The following NCOA6 variants were observed in gnomAD, a reference collection of about 807,000 sequenced individuals.
NCOA6 encodes the protein NRC RAP250.
In NCOA6, 49 loss-of-function variants were observed where a neutral mutation model predicts 171.4. The ratio of observed to expected loss-of-function variants is 0.29; its 90% CI spans 0.23 to 0.36. NCOA6 has a LOEUF of 0.36. Ranked by LOEUF, NCOA6 falls within the 10% of genes least tolerant of loss-of-function variation. The pLI, the probability that NCOA6 is intolerant of heterozygous loss-of-function variation, is 1.00. For synonymous variants in NCOA6, 910 were observed against 927.5 expected (o/e 0.98, Z 0.34); for missense variants, 2,248 against 2,554.5 (o/e 0.88, Z 2.59).
intron 14 of NCOA6, among the ~76,000 whole-genome samples, chr20:34,715,580 A>AG (rs1988446811): frequency 6.6e-6 from 1 of 152,202 alleles, no homozygotes; most frequent in African/African-American, 2.4e-5. Flanking sequence ...GGAATGTGAC[A>AG]GAGGTGGTGG....
rs200149991 is a variant in NCOA6 at position 34,749,612 on chromosome 20, G to A, written c.2583C>T (p.Pro861=). ...GACCACAGGACATCTGATTTCCATT[G>A]GGAGCTCCACTGAAAGGTGCATTGA... ...MSFNAPFSGA[P]NGNQMSCGQN... The change falls in exon 9 of 15, where the codon CCC becomes CCT. Residue 861 remains proline, a synonymous_variant. Transcript: ENST00000359003. 12 of 1,614,006 alleles carry A rather than the reference G, an allele frequency of 7.4e-6. No individual in the cohort carries two copies. The highest frequency in any genetic ancestry group is 1.0e-5 in the Non-Finnish European group (12 of 1,180,042).
At chr20:34,801,209 G>A (rs1403384419) in intron 1 of NCOA6, among the ~76,000 whole-genome samples, 3 of 151,960 alleles carry the variant, frequency 2.0e-5, no homozygotes, top group African/African-American at 7.3e-5. Flanking sequence ...AGTGAAAGCA[G>A]GACTAAGAGG....
intron 7 of NCOA6, among the ~76,000 whole-genome samples, 161 bp downstream of exon 7, chr20:34,757,058 GT>G (rs2076661944): frequency 6.6e-6 from 1 of 152,158 alleles, no homozygotes; most frequent in Non-Finnish European, 1.5e-5. Context: ...GCTGCATAAC[GT>G]ATCAAGTTAA....
intron 14 of NCOA6, among the ~76,000 whole-genome samples, chr20:34,727,000 A>C (rs1427245671): frequency 3.9e-5 from 6 of 152,176 alleles, no homozygotes; most frequent in Middle Eastern, 6.3e-3. Flanking sequence ...AAAAAAACCC[A>C]AAACCCAAAA....
chr20:34,817,260 GA>G (rs1204983775), intron 1 of NCOA6, among the ~76,000 whole-genome samples: 1 of 151,710 alleles, frequency 6.6e-6, no homozygotes, highest in Admixed American at 6.6e-5. Flanking sequence ...GTGTGTGACG[GA>G]GGGGGAGGGG....
At chr20:34,808,205 A>T (rs2146571392) in intron 1 of NCOA6, among the ~76,000 whole-genome samples, 1 of 151,632 alleles carries the variant, frequency 6.6e-6, no homozygotes, top group South Asian at 2.1e-4. Flanking sequence ...CTGATCTCCA[A>T]CTCCTGGCCT....
At chr20:34,728,053 C>T (rs966309355) in intron 13 of NCOA6, among the ~76,000 whole-genome samples, 3 of 152,076 alleles carry the variant, frequency 2.0e-5, no homozygotes, top group Non-Finnish European at 4.4e-5. Context: ...GGTAATAGTT[C>T]CCTTCAAAAA....
Position 34,742,185 on chromosome 20 carries a change from G to A in NCOA6, c.4071C>T (p.Ala1357=). 1.2e-6 allele frequency: 2 copies of A among 1,614,242 alleles called. No individual in the cohort carries two copies. The highest frequency in any genetic ancestry group is 1.7e-6 in the Non-Finnish European group (2 of 1,180,044). Reference sequence around the variant, plus strand: ...GCAATAGGGCTGCATTTGTCTGAGAGGCCAGAGTAAGTTTAGGGGCTTTTG... The same window carrying A: ...GCAATAGGGCTGCATTTGTCTGAGAAGCCAGAGTAAGTTTAGGGGCTTTTG... ...QNSKAPKLTL[A]SQTNAALLQN... The change falls in exon 11 of 15, where the codon GCC becomes GCT. Residue 1357 remains alanine, a synonymous_variant. Coordinates refer to ENST00000359003, the MANE Select transcript of NCOA6 (RefSeq NM_014071.5).
At chr20:34,806,219 G>A (rs1448272162) in intron 1 of NCOA6, among the ~76,000 whole-genome samples, 1 of 152,118 alleles carries the variant, frequency 6.6e-6, no homozygotes, top group African/African-American at 2.4e-5. Flanking sequence ...TTTCTTTGGA[G>A]AAATGTCTAT....
At chr20:34,719,317 C>T (rs1341315360) in intron 14 of NCOA6, among the ~76,000 whole-genome samples, 3 of 151,960 alleles carry the variant, frequency 2.0e-5, no homozygotes, top group Non-Finnish European at 2.9e-5. Flanking sequence ...CTATCCGAGA[C>T]GTCTAAGTAA....
chr20:34,757,146 C>T, intron 7 of NCOA6, 74 bp downstream of exon 7: 2 of 1,424,482 alleles, frequency 1.4e-6, no homozygotes, highest in South Asian at 2.8e-5. Context: ...CCTCCATTAA[C>T]TCTAAAAACT....
At chr20:34,753,609 G>A (rs553732653) in intron 8 of NCOA6, among the ~76,000 whole-genome samples, 68 of 151,918 alleles carry the variant, frequency 4.5e-4, no homozygotes, top group African/African-American at 1.5e-3. Flanking sequence ...GCAGTGAGCC[G>A]ATATTGAGCC....
At chr20:34,824,892 C>A (rs960098670) in intron 1 of NCOA6, among the ~76,000 whole-genome samples, 2 of 152,130 alleles carry the variant, frequency 1.3e-5, no homozygotes, top group Admixed American at 1.3e-4. Context: ...TCAATCACCT[C>A]CTTCCCTCCC....
intron 5 of NCOA6, among the ~76,000 whole-genome samples, chr20:34,764,322 T>C (rs1001631252): frequency 1.3e-5 from 2 of 152,100 alleles, no homozygotes; most frequent in African/African-American, 2.4e-5. Flanking sequence ...CTCCTGACCT[T>C]GTGATCTGCT....
At chr20:34,718,984 T>G (rs191866847) in intron 14 of NCOA6, among the ~76,000 whole-genome samples, 2 of 152,336 alleles carry the variant, frequency 1.3e-5, no homozygotes, top group East Asian at 3.9e-4. Context: ...TCTTAACAGA[T>G]AGACAAATAG....
intron 2 of NCOA6, among the ~76,000 whole-genome samples, chr20:34,788,565 C>A (rs992497275): frequency 5.3e-5 from 8 of 152,176 alleles, no homozygotes; most frequent in African/African-American, 1.9e-4. Context: ...CCTGTTTTAG[C>A]AGTCCTCAAT....
At chr20:34,793,717 A>C (rs1264118763) in intron 1 of NCOA6, among the ~76,000 whole-genome samples, 1 of 152,196 alleles carries the variant, frequency 6.6e-6, no homozygotes, top group Non-Finnish European at 1.5e-5. Context: ...TTGTAAGTCA[A>C]AAAAACAACA....
intron 14 of NCOA6, among the ~76,000 whole-genome samples, chr20:34,721,501 T>G (rs1382917013): frequency 6.6e-6 from 1 of 152,084 alleles, no homozygotes; most frequent in Non-Finnish European, 1.5e-5. Flanking sequence ...GGAGACAGTT[T>G]CAGGATGAAA....
intron 4 of NCOA6, among the ~76,000 whole-genome samples, chr20:34,770,635 CTTTT>C (rs371855705): frequency 2.1e-5 from 3 of 145,014 alleles, no homozygotes; most frequent in African/African-American, 5.0e-5. Context: ...GGCCAAACTT[CTTTT>C]TTTTTTTTTG....
Sources: allele counts gnomAD v4.1 joint callset (sites outside exome capture counted in the v4.1 genomes callset), GRCh38; gene constraint gnomAD v4.1.1; transcripts MANE v1.5; gene names NCBI Gene and HGNC (gene_info 2026-07-23, HGNC 2026-07-21).